ADGRD2: variants seen among roughly 807,000 people sequenced by gnomAD.
ADGRD2 encodes the protein adhesion G protein-coupled receptor D2.
In ADGRD2, 71 loss-of-function variants were observed where a neutral mutation model predicts 44.4. That is an observed-to-expected ratio of 1.60 (90% CI 1.32 to 1.95). The LOEUF is 1.95. ADGRD2 is among the 30% of genes most tolerant of loss of function. The probability of loss-of-function intolerance (pLI) is 0.00; values close to 1 mark genes in which losing one functional copy is unlikely to be tolerated. For missense variants in ADGRD2, 1,039 were observed against 512.4 expected, an observed-to-expected ratio of 2.03 and a Z score of -9.92; for synonymous variants, 481 against 224.8, an observed-to-expected ratio of 2.14 and a Z score of -10.19.
chr9:124,472,642 G>A (rs1051873227), intron 17 of ADGRD2, among the ~76,000 whole-genome samples: 3 of 152,140 alleles, frequency 2.0e-5, no homozygotes, highest in African/African-American at 4.8e-5. Context: ...GAGTAGCTGG[G>A]ATTACAGGCA....
intron 10 of ADGRD2, among the ~76,000 whole-genome samples, chr9:124,461,188 G>A (rs1373411483): frequency 6.6e-6 from 1 of 151,946 alleles, no homozygotes; most frequent in Non-Finnish European, 1.5e-5. Flanking sequence ...ATATATTTTG[G>A]ATACAAGTCC....
chr9:124,453,590 A>G, exon 3 of ADGRD2: 1 of 700,226 alleles, frequency 1.4e-6, no homozygotes, highest in African/African-American at 1.8e-5. Flanking sequence ...CCGCCCTCAG[A>G]GGGCCTGCTC....
At chr9:124,470,659 GA>G (rs2131255640) in intron 17 of ADGRD2, 45 bp downstream of exon 20, 3 of 682,498 alleles carry the variant, frequency 4.4e-6, no homozygotes, top group Non-Finnish European at 5.4e-6. Context: ...TGACATGCAC[GA>G]AAGCTCAGAG....
intron 9 of ADGRD2, 78 bp downstream of exon 12, chr9:124,458,314 G>A: frequency 2.9e-6 from 2 of 697,264 alleles, no homozygotes; most frequent in Non-Finnish European, 5.3e-6. Flanking sequence ...GTTCTGGTGG[G>A]CGCATGTGTC....
intron 11 of ADGRD2, 90 bp downstream of exon 14, chr9:124,466,503 G>A: frequency 1.7e-6 from 1 of 582,018 alleles, no homozygotes; most frequent in African/African-American, 1.9e-5. Flanking sequence ...AGAAGCATCT[G>A]AGGGATGCCA....
intron 16 of ADGRD2, among the ~76,000 whole-genome samples, chr9:124,470,210 C>T (rs537143869): frequency 1.3e-5 from 2 of 152,316 alleles, no homozygotes; most frequent in African/African-American, 4.8e-5. Context: ...GCCTCAGCCC[C>T]CACTCTGGAC....
At chr9:124,452,281 A>T in intron 1 of ADGRD2, 127 bp downstream of exon 4, 2 of 635,648 alleles carry the variant, frequency 3.1e-6, no homozygotes, top group African/African-American at 1.8e-5. Context: ...CCCCCACCAT[A>T]CCAGGCCCTG....
intron 11 of ADGRD2, 138 bp downstream of exon 14, chr9:124,466,551 A>G (rs1397055323): frequency 4.0e-6 from 2 of 499,516 alleles, no homozygotes; most frequent in Non-Finnish European, 7.3e-6. Context: ...TGCATGCAGT[A>G]GTTCATGCCT....
intron 6 of ADGRD2, among the ~76,000 whole-genome samples, chr9:124,456,218 G>A (rs930185112): frequency 4.6e-5 from 7 of 152,224 alleles, no homozygotes; most frequent in African/African-American, 1.7e-4. Flanking sequence ...CAGAGTAGGT[G>A]CCCCATGAAT....
rs1422253221 is a variant in ADGRD2, at chr9:124,461,679, TGCCTGTATAGTAA to T, written c.1870+2963_1870+2975del. On this transcript the variant is annotated intron_variant, in intron 10 of 21. Transcript: ENST00000334810. Reference sequence around the variant, plus strand: ...TAATTTCTTACTGTCCTGATTAATGTGCCTGTATAGTAAGCCTTGAAATCAGGTAGTGTATCTT... The same window carrying T: ...TAATTTCTTACTGTCCTGATTAATGTGCCTTGAAATCAGGTAGTGTATCTT... 9.8e-5 allele frequency among the ~76,000 whole-genome samples: 15 copies of T among 152,310 alleles called. No individual in the cohort carries two copies. The South Asian group carries it at 1.0e-3, about 11-fold the overall frequency.
At chr9:124,464,117 C>T (rs192705092) in intron 10 of ADGRD2, among the ~76,000 whole-genome samples, 1 of 151,948 alleles carries the variant, frequency 6.6e-6, no homozygotes, top group East Asian at 1.9e-4. Context: ...GCCACCACGC[C>T]CAGCCTTGTT....
At chr9:124,457,651 G>A (rs373604238) in intron 8 of ADGRD2, 45 bp downstream of exon 11, 2 of 561,468 alleles carry the variant, frequency 3.6e-6, no homozygotes, top group East Asian at 2.8e-5. Flanking sequence ...TGGGTTCTGG[G>A]TCAAACCTCA....
intron 16 of ADGRD2, 140 bp from the exon 20 acceptor site, chr9:124,470,354 C>T (rs1239388993): frequency 1.0e-5 from 6 of 590,280 alleles, no homozygotes; most frequent in Non-Finnish European, 1.8e-5. Flanking sequence ...TTCTGGCTCC[C>T]TCTAAGTCCT....
exon 6 of ADGRD2, chr9:124,455,041 T>C (rs1414224282): frequency 5.6e-6 from 4 of 718,198 alleles, no homozygotes; most frequent in Non-Finnish European, 1.0e-5. Context: ...GACAGGCCCC[T>C]GGGAGCAGCT....
At chr9:124,469,381 G>A (rs752233186) in intron 15 of ADGRD2, 26 bp downstream of exon 18, 28 of 718,176 alleles carry the variant, frequency 3.9e-5, no homozygotes, top group Middle Eastern at 2.3e-4. Flanking sequence ...GCAGGGGAGG[G>A]GCGTGTTGGG....
chr9:124,463,783 T>C (rs1000900617), intron 10 of ADGRD2, among the ~76,000 whole-genome samples: 1 of 152,216 alleles, frequency 6.6e-6, no homozygotes, highest in Non-Finnish European at 1.5e-5. Flanking sequence ...TGTTTTCTTT[T>C]TCATTCTTGG....
At chr9:124,478,449 C>G (rs1224826760) in exon 22 of ADGRD2, 1 of 152,496 alleles carries the variant, frequency 6.6e-6, no homozygotes, top group South Asian at 2.1e-4. Flanking sequence ...GCCTCAGCCC[C>G]CTGTTCCCCT....
chr9:124,467,598 GGCT>G (rs1046984658), intron 11 of ADGRD2, 120 bp from the exon 15 acceptor site: 8 of 643,706 alleles, frequency 1.2e-5, no homozygotes, highest in African/African-American at 3.6e-5. Flanking sequence ...GGGTCCTGCT[GGCT>G]GCTGCTGCAC....
At chr9:124,452,648 T>A (rs1179789561) in exon 2 of ADGRD2, 2 of 717,726 alleles carry the variant, frequency 2.8e-6, no homozygotes, top group African/African-American at 3.5e-5. Flanking sequence ...CCTGATGGGG[T>A]TCTTGCTTCA....
Sources: allele counts gnomAD v4.1 joint callset (sites outside exome capture counted in the v4.1 genomes callset), GRCh38; gene constraint gnomAD v4.1.1; transcripts MANE v1.5; gene names NCBI Gene and HGNC (gene_info 2026-07-23, HGNC 2026-07-21).